PPARD: variants seen among roughly 807,000 people sequenced by gnomAD.
PPARD encodes peroxisome proliferator-activated receptor delta.
Under a neutral mutation model 39.5 loss-of-function variants are expected in PPARD, and 6 were observed. The ratio of observed to expected loss-of-function variants is 0.15; its 90% CI spans 0.08 to 0.30. The LOEUF is 0.30. PPARD is among the 10% of genes least tolerant of loss of function. The pLI, the probability that PPARD is intolerant of heterozygous loss-of-function variation, is 1.00. For missense variants in PPARD, 397 were observed against 596.8 expected (o/e 0.67, Z 3.49); for synonymous variants, 210 against 231.3 (o/e 0.91, Z 0.83).
At position 35,425,720 on chromosome 6, in the gene PPARD, C is replaced by G; in HGVS notation, c.1079-112C>G. 2 of 1,462,604 alleles carry G rather than the reference C, an allele frequency of 1.4e-6. No individual in the cohort carries two copies. Among genetic ancestry groups the G allele is most frequent in the Non-Finnish European group, 1.9e-6 (2 of 1,078,962 alleles). The allele number at this position is 1,462,604 out of a possible 1,614,324, so 90.6% of individuals were successfully genotyped here. On this transcript the variant is annotated intron_variant, in intron 7 of 7. Coordinates refer to ENST00000360694, the MANE Select transcript of PPARD (RefSeq NM_006238.5). This position sits in a 1 kb window ranked among gnomAD's most constrained non-coding sequence, Gnocchi z 4.5. ...CATTGCTGATGGGACAGGGCTTGGT[C>G]TGTCACGGCCAAGGAGGCCTGCCGT... is the stretch of plus-strand genomic sequence containing the variant.
At chr6:35,415,804 T>TGTGTGTGTGTGTGTGTGTGTGTGTGTGTG in intron 3 of PPARD, among the ~76,000 whole-genome samples, 5 of 105,174 alleles carry the variant, frequency 4.8e-5, no homozygotes, top group African/African-American at 3.3e-4. Flanking sequence ...GTGTGTGTGT[T>TGTGTGTGTGTGTGTGTGTGTGTGTGTGTG]GAAAGAAAGA....
At chr6:35,388,621 A>G (rs191454729) in intron 2 of PPARD, among the ~76,000 whole-genome samples, 3 of 152,248 alleles carry the variant, frequency 2.0e-5, no homozygotes, top group Non-Finnish European at 4.4e-5. Context: ...CTGAGGTGGG[A>G]CGATCACTTG....
At chr6:35,392,302 G>T (rs1562201018) in intron 2 of PPARD, among the ~76,000 whole-genome samples, 1 of 152,184 alleles carries the variant, frequency 6.6e-6, no homozygotes, top group Non-Finnish European at 1.5e-5. Flanking sequence ...TTCCTCCCCT[G>T]CATGTGGCAG....
chr6:35,389,564 C>T (rs545352004), intron 2 of PPARD, among the ~76,000 whole-genome samples: 3 of 152,144 alleles, frequency 2.0e-5, no homozygotes, highest in Non-Finnish European at 2.9e-5. Flanking sequence ...CCGCCCGCCT[C>T]GGCCTTCCAA....
At chr6:35,380,978 C>T (rs536060395) in intron 2 of PPARD, among the ~76,000 whole-genome samples, 3 of 152,284 alleles carry the variant, frequency 2.0e-5, no homozygotes, top group African/African-American at 7.2e-5. Flanking sequence ...TCCATCTCTC[C>T]AGGGTCTCTA....
chr6:35,421,319 TG>T (rs1414001338), intron 4 of PPARD, among the ~76,000 whole-genome samples: 1,591 of 23,278 alleles, frequency 0.068, 40 homozygotes, highest in African/African-American at 0.095. Flanking sequence ...GTTTTTTTTT[TG>T]TTTTGTTTTG....
Position 35,423,747 on chromosome 6 carries a change from C to CA in PPARD, c.425-184dup, listed in dbSNP as rs376633720. On this transcript the variant is annotated intron_variant, in intron 5 of 7. Transcript: ENST00000360694. ...AATCACTGCTCTTGCAAAGATACACCAAAAAAAAAAAAAAATCACATCTTG... is the reference window on the plus strand; with the variant it reads ...AATCACTGCTCTTGCAAAGATACACCAAAAAAAAAAAAAAAATCACATCTTG... Among the ~76,000 whole-genome samples, 1,345 of 139,660 alleles carry CA rather than the reference C, an allele frequency of 9.6e-3. 7 individuals are homozygous for CA. Among genetic ancestry groups the CA allele is most frequent in the Middle Eastern group, 0.018 (5 of 272 alleles). The allele number at this position is 139,660 out of a possible 152,430, so 91.6% of individuals were successfully genotyped here.
chr6:35,347,930 G>T (rs1476759849), intron 2 of PPARD, among the ~76,000 whole-genome samples: 4 of 134,424 alleles, frequency 3.0e-5, no homozygotes, highest in South Asian at 2.5e-4. Context: ...TTTTTGAGAT[G>T]GAGTTTCGCT....
intron 2 of PPARD, among the ~76,000 whole-genome samples, chr6:35,350,823 C>T (rs1420709579): frequency 6.6e-6 from 1 of 151,936 alleles, no homozygotes; most frequent in Non-Finnish European, 1.5e-5. Context: ...GATGGGGTTT[C>T]ACCATGTTGG....
intron 3 of PPARD, among the ~76,000 whole-genome samples, chr6:35,414,981 C>A (rs1765656414): frequency 6.6e-6 from 1 of 152,212 alleles, no homozygotes; most frequent in Non-Finnish European, 1.5e-5. Flanking sequence ...TTGCCAGGGT[C>A]CCCTGGGCGT....
intron 2 of PPARD, chr6:35,348,803 AGGG>A: frequency 1.0e-6 from 1 of 985,402 alleles, no homozygotes; most frequent in Non-Finnish European, 1.2e-6. Flanking sequence ...GGGAGGAAGA[AGGG>A]GGGAGTTTCA....
chr6:35,393,657 G>T (rs1337138546), intron 2 of PPARD, among the ~76,000 whole-genome samples: 7 of 152,186 alleles, frequency 4.6e-5, no homozygotes, highest in Non-Finnish European at 4.4e-5. Context: ...ATTGGGAGGT[G>T]ACAGCATGGG....
intron 2 of PPARD, among the ~76,000 whole-genome samples, chr6:35,409,677 G>A (rs1765295329): frequency 1.3e-5 from 2 of 152,004 alleles, no homozygotes; most frequent in Non-Finnish European, 2.9e-5. Context: ...ACTAGTACCC[G>A]ATAGTTATTT....
intron 2 of PPARD, among the ~76,000 whole-genome samples, chr6:35,358,565 A>G (rs1761750105): frequency 6.6e-6 from 1 of 152,196 alleles, no homozygotes; most frequent in Admixed American, 6.5e-5. Context: ...TGGCACAAGG[A>G]GAGCATAGGC....
At chr6:35,413,313 C>G (rs186430388) in intron 3 of PPARD, among the ~76,000 whole-genome samples, 13 of 152,240 alleles carry the variant, frequency 8.5e-5, no homozygotes, top group Non-Finnish European at 1.8e-4. Context: ...TCACATGGTA[C>G]TATGTAGGCG....
intron 2 of PPARD, among the ~76,000 whole-genome samples, chr6:35,381,506 G>C (rs1255823782): frequency 6.6e-6 from 1 of 152,178 alleles, no homozygotes; most frequent in African/African-American, 2.4e-5. Context: ...CATCCTTAGT[G>C]CAGGGCGTCC....
At chr6:35,369,718 C>T (rs1392766902) in intron 2 of PPARD, among the ~76,000 whole-genome samples, 1 of 152,222 alleles carries the variant, frequency 6.6e-6, no homozygotes, top group Admixed American at 6.5e-5. Flanking sequence ...AATATCTAAT[C>T]TTATTTAATC....
At position 35,424,303 on chromosome 6, in the gene PPARD, G is replaced by T; in HGVS notation, c.628-26G>T. On this transcript the variant is annotated intron_variant, in intron 6 of 7. Coordinates refer to ENST00000360694, the MANE Select transcript of PPARD (RefSeq NM_006238.5). This position sits in a 1 kb window ranked among gnomAD's most constrained non-coding sequence, Gnocchi z 7.1. ...ACAGGGTGGGGGTCTCCCGAGGCCT[G>T]ATCTCTAACGGGGCCTGGTTTTCAG... 1.2e-6 allele frequency: 2 copies of T among 1,606,738 alleles called. No individual in the cohort carries two copies. Among genetic ancestry groups the T allele is most frequent in the South Asian group, 1.1e-5 (1 of 90,602 alleles).
rs1761070361 is a variant in PPARD at position 35,349,122 on chromosome 6, T to C, written c.-102+1972T>C. On this transcript the variant is annotated intron_variant, in intron 2 of 7. Coordinates refer to ENST00000360694, the MANE Select transcript of PPARD (RefSeq NM_006238.5). Reference sequence around the variant, plus strand: ...CTCACTGCAAGCTCTGCCTCCTGGGTTCACACCATTCTCCTGCCTAAGCCT... The same window carrying C: ...CTCACTGCAAGCTCTGCCTCCTGGGCTCACACCATTCTCCTGCCTAAGCCT... 3 of 725,834 alleles carry C rather than the reference T, an allele frequency of 4.1e-6. No homozygotes were observed. In the South Asian group the frequency reaches 1.9e-4, roughly 45 times the overall value. The allele number at this position is 725,834 out of a possible 1,614,324, so 45.0% of individuals were successfully genotyped here. A position where few individuals can be genotyped will look rare whatever the true frequency, so the allele number is the denominator to read the frequency against.
Sources: allele counts gnomAD v4.1 joint callset (sites outside exome capture counted in the v4.1 genomes callset), GRCh38; gene constraint gnomAD v4.1.1; non-coding constraint Gnocchi (gnomAD v3.1); transcripts MANE v1.5; gene names NCBI Gene and HGNC (gene_info 2026-07-23, HGNC 2026-07-21).